The following AGBL1 variants were observed in gnomAD, a reference collection of about 807,000 sequenced individuals.
AGBL1 encodes cytosolic carboxypeptidase 4.
AGBL1 carries 130 observed loss-of-function variants against 118.9 expected under a neutral mutation model. The ratio of observed to expected loss-of-function variants is 1.09; its 90% CI spans 0.95 to 1.26. AGBL1 has a LOEUF of 1.26. Among genes scored for constraint, AGBL1 ranks in the 50% most tolerant of loss-of-function variants. The probability of loss-of-function intolerance (pLI) is 0.00; values close to 1 mark genes in which losing one functional copy is unlikely to be tolerated. For missense variants in AGBL1, 1,584 were observed against 1,298.1 expected, an observed-to-expected ratio of 1.22 and a Z score of -3.38; for synonymous variants, 555 against 478.9, an observed-to-expected ratio of 1.16 and a Z score of -2.08.
chr15:86,542,769 G>T (rs747652642), intron 19 of AGBL1, among the ~76,000 whole-genome samples: 2 of 152,224 alleles, frequency 1.3e-5, no homozygotes, highest in South Asian at 4.1e-4. Flanking sequence ...ATCAACCATC[G>T]TATCTCGCTT....
chr15:86,590,735 G>A (rs4316724), intron 21 of AGBL1, among the ~76,000 whole-genome samples: 1 of 152,264 alleles, frequency 6.6e-6, no homozygotes, highest in South Asian at 2.1e-4. Flanking sequence ...AAGGGAGAAG[G>A]CCTGGCAGTA....
chr15:86,468,391 G>C (rs75447807), intron 18 of AGBL1, among the ~76,000 whole-genome samples: 13 of 152,284 alleles, frequency 8.5e-5, no homozygotes, highest in Admixed American at 2.6e-4. Context: ...AATGAGGCTT[G>C]TTAAGCTTGG....
chr15:86,425,960 A>G (rs1410212052), intron 18 of AGBL1, among the ~76,000 whole-genome samples: 2 of 78,440 alleles, frequency 2.5e-5, no homozygotes, highest in Non-Finnish European at 4.1e-5. Context: ...TAGAGACATA[A>G]AAATAACACA....
intron 1 of AGBL1, among the ~76,000 whole-genome samples, chr15:86,121,097 C>T (rs978164017): frequency 6.6e-6 from 1 of 152,050 alleles, no homozygotes; most frequent in Non-Finnish European, 1.5e-5. Flanking sequence ...AGGATTTCGC[C>T]ATGTTGGCCA....
chr15:86,160,149 G>A (rs535295060), intron 5 of AGBL1, among the ~76,000 whole-genome samples: 1 of 147,726 alleles, frequency 6.8e-6, no homozygotes, highest in South Asian at 2.2e-4. Flanking sequence ...GGAAGGAGGG[G>A]TCAGTGTTCT....
chr15:86,945,270 T>G (rs974217528), intron 23 of AGBL1, among the ~76,000 whole-genome samples: 4 of 139,430 alleles, frequency 2.9e-5, no homozygotes, highest in African/African-American at 1.0e-4. Flanking sequence ...AAAAAAAAGT[T>G]ATAAAGAAAA....
intron 18 of AGBL1, among the ~76,000 whole-genome samples, chr15:86,513,818 G>T (rs1479185197): frequency 6.6e-6 from 1 of 151,920 alleles, no homozygotes; most frequent in African/African-American, 2.4e-5. Flanking sequence ...TAGTACTATT[G>T]TTCGTGGTCA....
At chr15:86,324,749 A>G (rs988407713) in intron 17 of AGBL1, among the ~76,000 whole-genome samples, 6 of 152,208 alleles carry the variant, frequency 3.9e-5, no homozygotes, top group Non-Finnish European at 7.3e-5. Flanking sequence ...GTGGTAAATC[A>G]TTTAGAACAG....
chr15:86,287,345 C>G (rs1436366179), intron 16 of AGBL1, among the ~76,000 whole-genome samples: 1 of 152,044 alleles, frequency 6.6e-6, no homozygotes, highest in South Asian at 2.1e-4. Flanking sequence ...TATGCAGATG[C>G]CTTTTAGTTT....
chr15:86,379,251 GAA>G (rs5814239), intron 17 of AGBL1, among the ~76,000 whole-genome samples: 42,689 of 151,694 alleles, frequency 0.28, 6,733 homozygotes, highest in East Asian at 0.61. Context: ...CTGACTACCT[GAA>G]AAAACCCTTG....
At chr15:86,977,958 G>GATA (rs2081191788) in intron 23 of AGBL1, among the ~76,000 whole-genome samples, 1 of 152,048 alleles carries the variant, frequency 6.6e-6, no homozygotes, top group East Asian at 1.9e-4. Context: ...TTTAAAATAA[G>GATA]AAATGTTAAA....
intron 22 of AGBL1, among the ~76,000 whole-genome samples, chr15:86,849,569 A>G (rs2079374822): frequency 6.7e-6 from 1 of 149,054 alleles, no homozygotes; most frequent in Non-Finnish European, 1.5e-5. Context: ...AAATATCAGA[A>G]TTGCAAATCA....
chr15:86,976,819 T>C (rs1163178007), intron 23 of AGBL1, among the ~76,000 whole-genome samples: 1 of 152,082 alleles, frequency 6.6e-6, no homozygotes, highest in Non-Finnish European at 1.5e-5. Context: ...TATTCGTATA[T>C]ACGCATATTC....
chr15:86,261,046 T>C (rs1176855524), intron 9 of AGBL1, among the ~76,000 whole-genome samples: 1 of 152,178 alleles, frequency 6.6e-6, no homozygotes, highest in Non-Finnish European at 1.5e-5. Flanking sequence ...CATGATCAAA[T>C]GAATGGGTGT....
intron 17 of AGBL1, among the ~76,000 whole-genome samples, chr15:86,385,750 C>T (rs1333461850): frequency 6.6e-6 from 1 of 152,044 alleles, no homozygotes; most frequent in African/African-American, 2.4e-5. Flanking sequence ...TCAATGGTCA[C>T]ATAAAGTGAA....
chr15:86,279,523 A>T (rs1001932433), intron 15 of AGBL1, 116 bp from the exon 16 acceptor site: 2 of 978,068 alleles, frequency 2.0e-6, no homozygotes, highest in Non-Finnish European at 3.0e-6. Context: ...AGTGAAGGCC[A>T]TTGTGCCAGG....
At chr15:86,904,087 C>G (rs1485857252) in intron 22 of AGBL1, among the ~76,000 whole-genome samples, 8 of 152,146 alleles carry the variant, frequency 5.3e-5, no homozygotes, top group Non-Finnish European at 8.8e-5. Context: ...TGGAGTAGAA[C>G]AAACTTTTCT....
chr15:86,416,255 A>G (rs2081693379), intron 18 of AGBL1, among the ~76,000 whole-genome samples: 1 of 152,160 alleles, frequency 6.6e-6, no homozygotes, highest in Admixed American at 6.6e-5. Context: ...GTATTCATGG[A>G]AAAGATGGCC....
At chr15:86,426,379 A>G (rs781262549) in intron 18 of AGBL1, among the ~76,000 whole-genome samples, 3 of 152,208 alleles carry the variant, frequency 2.0e-5, no homozygotes, top group Non-Finnish European at 4.4e-5. Context: ...AGGTCTGTCA[A>G]ATGATTTTAC....
Sources: allele counts gnomAD v4.1 joint callset (sites outside exome capture counted in the v4.1 genomes callset), GRCh38; gene constraint gnomAD v4.1.1; transcripts MANE v1.5; gene names NCBI Gene and HGNC (gene_info 2026-07-23, HGNC 2026-07-21).